Variants in RGS12 observed in about 807,000 individuals in gnomAD.
RGS12 encodes the protein regulator of G-protein signaling 12.
A neutral mutation model predicts 120.1 loss-of-function variants in RGS12; 66 were observed. The observed-to-expected ratio is 0.55, with a 90% CI of 0.45 to 0.67. The LOEUF is 0.67. Among genes scored for constraint, RGS12 ranks in the 30% least tolerant of loss-of-function variants. RGS12 has a pLI of 0.00. For missense variants in RGS12, 1,859 were observed against 1,957.7 expected (o/e 0.95, Z 0.95); for synonymous variants, 827 against 804.7 (o/e 1.03, Z -0.47).
At chr4:3,294,350 G>C (rs71608266) in intron 1 of RGS12, among the ~76,000 whole-genome samples, 6,944 of 152,360 alleles carry the variant, frequency 0.046, 197 homozygotes, top group South Asian at 0.093. Context: ...GGCAGCAAGG[G>C]CTGCTGGGGT....
rs1724880206 is a variant in RGS12, at chr4:3,317,687, C to T, written c.1517C>T (p.Ser506Phe). ...WDLNKHLGPA[S>F]PVEVPPASLR... The stretch of plus-strand genomic sequence containing the variant: ...CTAAACAAGCACCTAGGGCCAGCCT[C>T]TCCTGTGGAGGTGCCCCCAGCTTCC... Residue 506 changes from serine to phenylalanine, a missense_variant, in exon 2 of 18, where the codon TCT (serine) becomes TTT (phenylalanine). By Grantham distance (155) the Ser-to-Phe change is radical. This residue lies in a region of RGS12 where 967 missense variants were observed against 994.2 expected (regional missense o/e 0.97). Coordinates refer to ENST00000336727, the MANE Select transcript of RGS12 (RefSeq NM_001394154.1). The T allele has an allele frequency of 1.2e-6, 2 of 1,611,982 alleles. No homozygotes were observed. The highest frequency in any genetic ancestry group is 1.7e-6 in the Non-Finnish European group (2 of 1,178,964).
chr4:3,399,771 A>C (rs1720394377), intron 4 of RGS12, among the ~76,000 whole-genome samples: 1 of 152,266 alleles, frequency 6.6e-6, no homozygotes. Flanking sequence ...TAATATTGCA[A>C]TAACAAATAA....
At chr4:3,384,506 C>T (rs1411425251) in intron 3 of RGS12, among the ~76,000 whole-genome samples, 1 of 152,198 alleles carries the variant, frequency 6.6e-6, no homozygotes, top group Non-Finnish European at 1.5e-5. Context: ...TTATTGCGGG[C>T]ATGGAAGGAA....
At chr4:3,362,089 G>A (rs1029724496) in intron 3 of RGS12, among the ~76,000 whole-genome samples, 1 of 152,230 alleles carries the variant, frequency 6.6e-6, no homozygotes, top group African/African-American at 2.4e-5. Flanking sequence ...TGTGGATGGA[G>A]CTGGGCTGGT....
At position 3,374,949 on chromosome 4, in the gene RGS12, G is replaced by A. The variant is rs529636408; in HGVS notation, c.1999-11467G>A. Among the ~76,000 whole-genome samples the A allele has an allele frequency of 2.0e-5, 3 of 152,336 alleles. No individual in the cohort carries two copies. The highest frequency in any genetic ancestry group is 1.3e-4 in the Admixed American group (2 of 15,306). ...CCAGCATCTCAGGATGGCTCGCCAC[G>A]TCATGGGGGCTCAGCAGATGCTTTG... On this transcript the variant is annotated intron_variant, in intron 3 of 17. Transcript: ENST00000336727. The surrounding 1 kb of genome is among the most constrained non-coding windows in gnomAD (Gnocchi z 6.3).
intron 17 of RGS12, among the ~76,000 whole-genome samples, chr4:3,434,982 C>G (rs921849389): frequency 1.3e-5 from 2 of 152,124 alleles, no homozygotes; most frequent in African/African-American, 4.8e-5. Context: ...AGGATGGACT[C>G]CACCTGCCGG....
chr4:3,428,342 G>A, intron 15 of RGS12, 173 bp downstream of exon 15: 1 of 799,280 alleles, frequency 1.3e-6, no homozygotes, highest in Non-Finnish European at 2.1e-6. Flanking sequence ...TCTTACCTGT[G>A]AAGGACTGGC....
intron 12 of RGS12, among the ~76,000 whole-genome samples, chr4:3,423,303 C>T (rs58143210): frequency 0.23 from 35,617 of 152,188 alleles, 5,221 homozygotes; most frequent in East Asian, 0.47. Flanking sequence ...CTGTGCAGGA[C>T]ACTGCTATCC....
intron 3 of RGS12, among the ~76,000 whole-genome samples, chr4:3,347,583 T>C (rs1713939360): frequency 6.6e-6 from 1 of 152,238 alleles, no homozygotes; most frequent in Admixed American, 6.5e-5. Flanking sequence ...TTCTGCTTGA[T>C]CTTGATAAGT....
intron 3 of RGS12, among the ~76,000 whole-genome samples, chr4:3,350,285 C>T (rs1714238052): frequency 6.6e-6 from 1 of 152,100 alleles, no homozygotes; most frequent in Non-Finnish European, 1.5e-5. Context: ...AAATATAATC[C>T]TCTCTGACCA....
chr4:3,286,468 CAG>C, the RGS12 span, among the ~76,000 whole-genome samples: 1 of 152,366 alleles, frequency 6.6e-6, no homozygotes, highest in African/African-American at 2.4e-5. Context: ...AGTCTCAATT[CAG>C]AGTCAGTCCA....
chr4:3,394,955 G>T (rs756143879), intron 4 of RGS12, among the ~76,000 whole-genome samples: 1 of 152,120 alleles, frequency 6.6e-6, no homozygotes, highest in Non-Finnish European at 1.5e-5. Flanking sequence ...GATTCCTTGA[G>T]GCCAAGAGTT....
In RGS12 at chr4:3,374,599, A is replaced by G. The variant is rs1717433611; in HGVS notation, c.1999-11817A>G. 6.6e-6 allele frequency among the ~76,000 whole-genome samples: 1 copy of G among 151,880 alleles called. No individual in the cohort carries two copies. ...CAGTGTACCCCTCCCTCAGTCTGCC[A>G]CATCTCAGGAAGGGATGTCCCTGTC... On this transcript the variant is annotated intron_variant, in intron 3 of 17. Transcript: ENST00000336727. This position sits in a 1 kb window ranked among gnomAD's most constrained non-coding sequence, Gnocchi z 6.3.
At chr4:3,431,776 C>G (rs1167648121) in intron 17 of RGS12, 1 of 985,618 alleles carries the variant, frequency 1.0e-6, no homozygotes, top group African/African-American at 1.7e-5. Flanking sequence ...GTGGACACCT[C>G]TGCTGTGGTT....
Position 3,390,124 on chromosome 4 carries a change from C to T in RGS12, c.2020+3687C>T, listed in dbSNP as rs181940174. On this transcript the variant is annotated intron_variant, in intron 4 of 17. Transcript: ENST00000336727. The surrounding 1 kb of genome is among the most constrained non-coding windows in gnomAD (Gnocchi z 4.6). The stretch of plus-strand genomic sequence containing the variant: ...ACTGGACCCCTCCACCAGCTCAGAG[C>T]CCCTGTTCCCCCAACCATCCTGCGT... Among the ~76,000 whole-genome samples, 3 of 152,334 alleles carry T rather than the reference C, an allele frequency of 2.0e-5. No homozygotes were observed. The highest frequency in any genetic ancestry group is 7.2e-5 in the African/African-American group (3 of 41,578).
chr4:3,431,700 T>C lies in RGS12; in HGVS notation c.4114+745T>C, dbSNP rs1024079460. On this transcript the variant is annotated intron_variant, in intron 17 of 17. Coordinates refer to ENST00000336727, the MANE Select transcript of RGS12 (RefSeq NM_001394154.1). ...TTCCAGGGGTCCGAGGGCCGTGGCC[T>C]GCGTGGCCATCCCCTGGAGAGAGGA... 5.1e-6 allele frequency: 5 copies of C among 985,516 alleles called. No homozygotes were observed. In the African/African-American group the frequency reaches 7.0e-5, roughly 14 times the overall value. The allele number at this position is 985,516 out of a possible 1,614,324, so 61.0% of individuals were successfully genotyped here.
chr4:3,304,623 C>T (rs1449311677), intron 1 of RGS12, among the ~76,000 whole-genome samples: 1 of 152,226 alleles, frequency 6.6e-6, no homozygotes, highest in African/African-American at 2.4e-5. Context: ...AGATTATGAT[C>T]AGTTCGGCTT....
At chr4:3,416,315 G>T (rs1378956964) in intron 7 of RGS12, among the ~76,000 whole-genome samples, 194 bp downstream of exon 7, 1 of 152,176 alleles carries the variant, frequency 6.6e-6, no homozygotes, top group Non-Finnish European at 1.5e-5. Context: ...GCTTTCAGTA[G>T]GGCCATGAAA....
chr4:3,326,497 TCGGCTA>T (rs2108716402), intron 2 of RGS12, among the ~76,000 whole-genome samples: 1 of 152,326 alleles, frequency 6.6e-6, no homozygotes, highest in Non-Finnish European at 1.5e-5. Flanking sequence ...TCTGCCTGCC[TCGGCTA>T]TCCAAAGTGC....
Sources: allele counts gnomAD v4.1 joint callset (sites outside exome capture counted in the v4.1 genomes callset), GRCh38; gene constraint gnomAD v4.1.1; regional missense constraint gnomAD v4.1.1; non-coding constraint Gnocchi (gnomAD v3.1); transcripts MANE v1.5; gene names NCBI Gene and HGNC (gene_info 2026-07-23, HGNC 2026-07-21).